KIAA1328: variants seen among roughly 807,000 people sequenced by gnomAD.
KIAA1328 encodes the protein protein hinderin.
KIAA1328 carries 52 observed loss-of-function variants against 68.1 expected under a neutral mutation model. The ratio of observed to expected loss-of-function variants is 0.76; its 90% confidence interval spans 0.61 to 0.96. The LOEUF (loss-of-function observed/expected upper bound fraction) is 0.96, where lower values mean the gene tolerates loss of function less well. KIAA1328 is among the 40% of genes least tolerant of loss of function. The probability of loss-of-function intolerance (pLI) is 0.00; values close to 1 mark genes in which losing one functional copy is unlikely to be tolerated. For synonymous variants in KIAA1328, 232 were observed against 239.4 expected (o/e 0.97, Z 0.28); for missense variants, 641 against 677.6 (o/e 0.95, Z 0.60).
intron 7 of KIAA1328, among the ~76,000 whole-genome samples, chr18:37,087,665 A>T (rs961108712): frequency 1.8e-4 from 27 of 152,200 alleles, no homozygotes; most frequent in Admixed American, 1.8e-3. Context: ...TCAGGTAGGC[A>T]CGCTGGGGAC....
chr18:36,927,930 G>A (rs17652543), intron 5 of KIAA1328, among the ~76,000 whole-genome samples: 16,184 of 152,080 alleles, frequency 0.11, 1,093 homozygotes, highest in Non-Finnish European at 0.13. Flanking sequence ...AAGTTGTCCC[G>A]GATGGGAGTG....
At chr18:36,943,869 ATAT>A (rs1211356191) in intron 5 of KIAA1328, among the ~76,000 whole-genome samples, 1 of 152,202 alleles carries the variant, frequency 6.6e-6, no homozygotes, top group Non-Finnish European at 1.5e-5. Flanking sequence ...TAATCATGAG[ATAT>A]TATTCTCTGG....
chr18:37,145,693 C>T (rs1288397476), intron 7 of KIAA1328, among the ~76,000 whole-genome samples: 1 of 152,044 alleles, frequency 6.6e-6, no homozygotes, highest in Non-Finnish European at 1.5e-5. Flanking sequence ...CCCCTTTTAT[C>T]ATGATGAAAT....
Position 36,949,604 on chromosome 18 carries a change from C to CT in KIAA1328, c.449-9704_449-9703insT, listed in dbSNP as rs1426136486. On this transcript the variant is annotated intron_variant, in intron 5 of 9. Transcript: ENST00000280020. The stretch of plus-strand genomic sequence containing the variant: ...AGTCTGTTTCTACCCAGCTCCCCCC[C>CT]CCCCACCCCCCGATCTTGATTTGCA... Among the ~76,000 whole-genome samples, 21 of 94,688 alleles carry CT rather than the reference C, an allele frequency of 2.2e-4. 1 individual carries two copies. Among genetic ancestry groups the CT allele is most frequent in the East Asian group, 4.5e-4 (1 of 2,220 alleles). 62.1% of individuals were successfully genotyped at this position (94,688 alleles called of 152,430 possible). A position where few individuals can be genotyped will look rare whatever the true frequency, so the allele number is the denominator to read the frequency against.
intron 5 of KIAA1328, among the ~76,000 whole-genome samples, chr18:36,893,568 C>T (rs887883180): frequency 7.9e-5 from 12 of 151,458 alleles, no homozygotes; most frequent in African/African-American, 2.4e-4. Flanking sequence ...GTGATCCTCC[C>T]GTCTTGGCCT....
chr18:36,981,761 AT>A (rs71168251), intron 6 of KIAA1328, among the ~76,000 whole-genome samples: 85 of 141,488 alleles, frequency 6.0e-4, no homozygotes, highest in African/African-American at 5.2e-4. Context: ...TAATTGTTTG[AT>A]TTTTTTTTTT....
chr18:37,202,905 G>A (rs2154219531), intron 9 of KIAA1328, among the ~76,000 whole-genome samples: 1 of 152,144 alleles, frequency 6.6e-6, no homozygotes, highest in African/African-American at 2.4e-5. Context: ...ATAAATTAAT[G>A]ATTATTCATT....
intron 5 of KIAA1328, among the ~76,000 whole-genome samples, chr18:36,923,103 T>C (rs2049988069): frequency 6.6e-6 from 1 of 152,128 alleles, no homozygotes; most frequent in Non-Finnish European, 1.5e-5. Flanking sequence ...TTAGAGAGTA[T>C]TTTGAACTAA....
At chr18:36,857,614 C>G (rs1601011594) in intron 4 of KIAA1328, among the ~76,000 whole-genome samples, 2 of 152,162 alleles carry the variant, frequency 1.3e-5, no homozygotes, top group South Asian at 4.1e-4. Flanking sequence ...AATTTCCCAG[C>G]CTCTTTCCTC....
intron 6 of KIAA1328, among the ~76,000 whole-genome samples, chr18:37,000,861 CA>C (rs1242875884): frequency 6.6e-6 from 1 of 151,718 alleles, no homozygotes; most frequent in South Asian, 2.1e-4. Context: ...GGAAAAGCAA[CA>C]AATCAAAACT....
chr18:37,176,444 G>C (rs1029608001), intron 9 of KIAA1328, among the ~76,000 whole-genome samples: 1 of 152,192 alleles, frequency 6.6e-6, no homozygotes, highest in Non-Finnish European at 1.5e-5. Flanking sequence ...GGGCATTATA[G>C]TTTTCTGTGC....
At chr18:37,231,179 ATATTGCTCTGTGCACTG>A (rs556385824), downstream of KIAA1328, 48 of 152,346 alleles carry the variant, frequency 3.2e-4, no homozygotes, top group East Asian at 9.3e-3. Flanking sequence ...AATCTGTCCC[ATATTGCTCTGTGCACTG>A]TCTGCCCTAT....
At chr18:37,229,939 A>T (rs1204641771), downstream of KIAA1328, 1 of 153,086 alleles carries the variant, frequency 6.5e-6, no homozygotes, top group African/African-American at 2.5e-5. Context: ...AAACTTACCC[A>T]CTTCTCTCTC....
At chr18:36,980,516 T>C (rs1157569509) in intron 6 of KIAA1328, among the ~76,000 whole-genome samples, 1 of 152,214 alleles carries the variant, frequency 6.6e-6, no homozygotes, top group African/African-American at 2.4e-5. Context: ...GTATGGCTGC[T>C]TCCACAACAA....
chr18:37,022,242 A>T (rs2054376937), intron 6 of KIAA1328, among the ~76,000 whole-genome samples: 1 of 152,078 alleles, frequency 6.6e-6, no homozygotes, highest in South Asian at 2.1e-4. Flanking sequence ...AGTCTGATAG[A>T]GTGTCTGGTT....
intron 6 of KIAA1328, among the ~76,000 whole-genome samples, chr18:37,038,158 C>T (rs980933859): frequency 6.6e-6 from 1 of 151,914 alleles, no homozygotes; most frequent in Non-Finnish European, 1.5e-5. Flanking sequence ...ACGCCTAGCC[C>T]ACAGGTAGCC....
intron 5 of KIAA1328, among the ~76,000 whole-genome samples, chr18:36,918,449 G>C (rs1389489850): frequency 2.3e-5 from 3 of 131,346 alleles, no homozygotes; most frequent in Non-Finnish European, 4.7e-5. Flanking sequence ...GTCTTGCTGT[G>C]TCGGCCAGGC....
At chr18:36,904,636 GC>G (rs2151044242) in intron 5 of KIAA1328, among the ~76,000 whole-genome samples, 1 of 152,030 alleles carries the variant, frequency 6.6e-6, no homozygotes, top group Admixed American at 6.6e-5. Flanking sequence ...ATTTTTTATA[GC>G]CAGATCATAC....
At chr18:37,168,508 A>G (rs900707013) in intron 8 of KIAA1328, among the ~76,000 whole-genome samples, 2 of 152,230 alleles carry the variant, frequency 1.3e-5, no homozygotes, top group African/African-American at 2.4e-5. Flanking sequence ...AATGCATACA[A>G]TGGAATACTA....
Sources: gnomAD v4.1 joint callset for allele counts (sites outside exome capture counted in the v4.1 genomes callset) on GRCh38, gnomAD v4.1.1 for gene constraint, MANE v1.5 for transcripts, NCBI Gene and HGNC (gene_info 2026-07-23, HGNC 2026-07-21) for gene names.